GPBP1: variants seen among roughly 807,000 people sequenced by gnomAD.
The protein encoded by GPBP1 is GC-rich promoter binding protein 1.
A neutral mutation model predicts 56.5 loss-of-function variants in GPBP1; 13 were observed. That is an observed-to-expected ratio of 0.23 (90% CI 0.15 to 0.37). The LOEUF (loss-of-function observed/expected upper bound fraction) is 0.37, where lower values mean the gene tolerates loss of function less well. Among genes scored for constraint, GPBP1 ranks in the 10% least tolerant of loss-of-function variants. The pLI is 1.00. For synonymous variants in GPBP1, 204 were observed against 188.9 expected, an observed-to-expected ratio of 1.08 and a Z score of -0.66; for missense variants, 477 against 572.3, an observed-to-expected ratio of 0.83 and a Z score of 1.70.
intron 5 of GPBP1, among the ~76,000 whole-genome samples, chr5:57,232,217 G>A (rs1756491906): frequency 6.6e-6 from 1 of 152,068 alleles, no homozygotes; most frequent in Admixed American, 6.6e-5. Flanking sequence ...TGAACTTCTG[G>A]CCTCAAGCAA....
intron 2 of GPBP1, among the ~76,000 whole-genome samples, chr5:57,187,375 A>G (rs1218460034): frequency 6.6e-6 from 1 of 152,204 alleles, no homozygotes; most frequent in Non-Finnish European, 1.5e-5. Context: ...ACTATGATAT[A>G]TTATCTCAAC....
intron 10 of GPBP1, among the ~76,000 whole-genome samples, chr5:57,260,869 T>C (rs1445228060): frequency 2.6e-5 from 4 of 152,182 alleles, no homozygotes; most frequent in African/African-American, 9.7e-5. Context: ...GTGATATTGC[T>C]GTTACTTTTA....
chr5:57,242,838 C>T (rs1740893901), intron 6 of GPBP1, among the ~76,000 whole-genome samples: 2 of 152,146 alleles, frequency 1.3e-5, no homozygotes, highest in African/African-American at 4.8e-5. Context: ...CAACCTCTGC[C>T]TCCCGGGTTC....
At chr5:57,214,335 C>T (rs1285622076) in intron 3 of GPBP1, 142 bp downstream of exon 3, 12 of 706,664 alleles carry the variant, frequency 1.7e-5, no homozygotes, top group Non-Finnish European at 2.7e-5. Context: ...CCTGTAATCT[C>T]AGCACTTTGG....
At chr5:57,222,902 C>T (rs1756013963) in intron 3 of GPBP1, among the ~76,000 whole-genome samples, 1 of 152,114 alleles carries the variant, frequency 6.6e-6, no homozygotes, top group African/African-American at 2.4e-5. Context: ...GATGGTATTT[C>T]GTTTTGATTT....
Position 57,245,566 on chromosome 5 carries a change from A to G in GPBP1, c.479-734A>G, listed in dbSNP as rs191987011. Reference sequence around the variant, plus strand: ...TTTAAAAGTTTTTGTAAGGGAAGAAAGAAAGACTTCACTGCAATGTCTGTT... The same window carrying G: ...TTTAAAAGTTTTTGTAAGGGAAGAAGGAAAGACTTCACTGCAATGTCTGTT... On this transcript the variant is annotated intron_variant, in intron 6 of 11. Coordinates refer to ENST00000506184, the MANE Select transcript of GPBP1 (RefSeq NM_022913.4). The G allele has an allele frequency of 2.0e-5, 3 of 152,238 alleles. No homozygotes were observed. The East Asian group carries it at 5.8e-4, about 29-fold the overall frequency. 9.4% of individuals were successfully genotyped at this position (152,238 alleles called of 1,614,324 possible). A position where few individuals can be genotyped will look rare whatever the true frequency, so the allele number is the denominator to read the frequency against.
In GPBP1 at chr5:57,262,690, A is replaced by G. The variant is rs1450244812; in HGVS notation, c.1360A>G (p.Thr454Ala). The G allele has an allele frequency of 6.2e-7, 1 of 1,613,954 alleles. No individual in the cohort carries two copies. The highest frequency in any genetic ancestry group is 8.5e-7 in the Non-Finnish European group (1 of 1,179,832). ...GTGGAAGAACAGCACTTTCAAACCC[A>G]CAACTGAGAATGATGACACAGAGAC... ...GPWKNSTFKPTTENDDTETSS... is the reference protein window; with the variant it reads ...GPWKNSTFKPATENDDTETSS... The change falls in exon 12 of 12, where the codon ACA becomes GCA. Residue 454 changes from threonine (T) to alanine (A), a missense_variant. Thr to Ala is a moderately conservative substitution (Grantham distance 58, BLOSUM62 0). This residue lies in a region of GPBP1 where 63 missense variants were observed against 114.0 expected (regional missense o/e 0.55). Transcript: ENST00000506184.
intron 10 of GPBP1, among the ~76,000 whole-genome samples, chr5:57,255,343 A>G (rs1373459720): frequency 1.3e-5 from 2 of 152,170 alleles, no homozygotes; most frequent in Non-Finnish European, 2.9e-5. Context: ...TGTGTAGGTA[A>G]CAGATTACTA....
chr5:57,179,151 A>C (rs570187244), intron 2 of GPBP1, among the ~76,000 whole-genome samples: 1 of 152,178 alleles, frequency 6.6e-6, no homozygotes, highest in Non-Finnish European at 1.5e-5. Flanking sequence ...CCATACTTAC[A>C]CTGCCTTCTT....
At chr5:57,202,532 G>A (rs1056860451) in intron 2 of GPBP1, among the ~76,000 whole-genome samples, 2 of 152,144 alleles carry the variant, frequency 1.3e-5, no homozygotes, top group African/African-American at 4.8e-5. Context: ...GCAGTGATCA[G>A]CCTGTTTCAG....
At position 57,214,019 on chromosome 5, in the gene GPBP1, C is replaced by T. The variant is rs1544739; in HGVS notation, c.-57-55C>T. 1.9e-3 allele frequency: 1,460 copies of T among 750,604 alleles called. 28 individuals carry two copies. The Admixed American group carries it at 0.027, about 14-fold the overall frequency. 46.5% of individuals were successfully genotyped at this position (750,604 alleles called of 1,614,324 possible). ...TAGTAAGATCATTGTAATATAAAGGCGCTAATTTTTGGCCAGGAGCTGCAG... is the reference window on the plus strand; with the variant it reads ...TAGTAAGATCATTGTAATATAAAGGTGCTAATTTTTGGCCAGGAGCTGCAG... On this transcript the variant is annotated intron_variant, in intron 2 of 11. Transcript: ENST00000506184.
chr5:57,188,243 C>CA (rs34967736), intron 2 of GPBP1, among the ~76,000 whole-genome samples: 5,902 of 138,740 alleles, frequency 0.043, 278 homozygotes, highest in East Asian at 0.11. Flanking sequence ...GAGACTGTCT[C>CA]AAAAAAAAAA....
intron 2 of GPBP1, among the ~76,000 whole-genome samples, chr5:57,177,648 CTTTTTTTTTTT>C (rs58708281): frequency 0.013 from 1,186 of 92,262 alleles, 30 homozygotes; most frequent in African/African-American, 0.039. Flanking sequence ...CAATTTTTGC[CTTTTTTTTTTT>C]TTTTTTTTTT....
At chr5:57,185,938 A>AGAGT (rs1754266774) in intron 2 of GPBP1, among the ~76,000 whole-genome samples, 2 of 151,704 alleles carry the variant, frequency 1.3e-5, no homozygotes. Context: ...CTGGACGATG[A>AGAGT]GAGTGAACCT....
intron 6 of GPBP1, among the ~76,000 whole-genome samples, chr5:57,238,819 G>T (rs974122424): frequency 6.6e-6 from 1 of 152,116 alleles, no homozygotes; most frequent in Non-Finnish European, 1.5e-5. Context: ...GCTCATATTT[G>T]ATATACTACT....
At chr5:57,184,201 C>T (rs1294846504) in intron 2 of GPBP1, among the ~76,000 whole-genome samples, 3 of 152,038 alleles carry the variant, frequency 2.0e-5, no homozygotes, top group Non-Finnish European at 2.9e-5. Context: ...CACTGCAGTC[C>T]AACCTGGGTG....
chr5:57,219,599 G>A (rs1016209908), intron 3 of GPBP1, among the ~76,000 whole-genome samples: 1 of 151,882 alleles, frequency 6.6e-6, no homozygotes, highest in African/African-American at 2.4e-5. Context: ...CCCCTGTACC[G>A]AGCTGCTCTT....
chr5:57,230,213 T>C (rs944263569), intron 3 of GPBP1, among the ~76,000 whole-genome samples: 2 of 152,188 alleles, frequency 1.3e-5, no homozygotes, highest in Non-Finnish European at 2.9e-5. Flanking sequence ...ATTACAGGTG[T>C]AAGCCACCGC....
At chr5:57,219,395 A>AC (rs1755836867) in intron 3 of GPBP1, among the ~76,000 whole-genome samples, 1 of 62,942 alleles carries the variant, frequency 1.6e-5, no homozygotes, top group African/African-American at 1.2e-4. Flanking sequence ...AAAAAAAAAA[A>AC]AAAAAAAACC....
Sources: gnomAD v4.1 joint callset for allele counts (sites outside exome capture counted in the v4.1 genomes callset) on GRCh38, gnomAD v4.1.1 for gene constraint, gnomAD v4.1.1 regional missense constraint, MANE v1.5 for transcripts, NCBI Gene and HGNC (gene_info 2026-07-23, HGNC 2026-07-21) for gene names.